Variants in SLCO1B1 observed in about 807,000 individuals in gnomAD.
SLCO1B1 encodes the protein OATP-2.
A neutral mutation model predicts 70.1 loss-of-function variants in SLCO1B1; 81 were observed. The ratio of observed to expected loss-of-function variants is 1.16; its 90% CI spans 0.97 to 1.39. The LOEUF is 1.39. Among genes scored for constraint, SLCO1B1 ranks in the 40% most tolerant of loss-of-function variants. The probability of loss-of-function intolerance (pLI) is 0.00; values close to 1 mark genes in which losing one functional copy is unlikely to be tolerated. For missense variants in SLCO1B1, 895 were observed against 799.6 expected, an observed-to-expected ratio of 1.12 and a Z score of -1.44; for synonymous variants, 283 against 271.5, an observed-to-expected ratio of 1.04 and a Z score of -0.42.
chr12:21,235,412 C>G (rs1489875079), intron 14 of SLCO1B1, among the ~76,000 whole-genome samples: 1 of 146,962 alleles, frequency 6.8e-6, no homozygotes, highest in Non-Finnish European at 1.5e-5. Context: ...TTTCTTCATT[C>G]TTTTACTTTA....
Position 21,136,255 on chromosome 12 carries a change from C to T in SLCO1B1, c.-62+5019C>T, listed in dbSNP as rs539609186. ...GTAACCCAACCTTTCTCTCTGGCTGCCCTTAATATTTTTTCCTTCATTTCA... is the reference window on the plus strand; with the variant it reads ...GTAACCCAACCTTTCTCTCTGGCTGTCCTTAATATTTTTTCCTTCATTTCA... On this transcript the variant is annotated intron_variant, in intron 1 of 14. Coordinates refer to ENST00000256958, the MANE Select transcript of SLCO1B1 (RefSeq NM_006446.5). Among the ~76,000 whole-genome samples the T allele has an allele frequency of 4.1e-4, 63 of 152,280 alleles. 1 individual carries two copies. Among genetic ancestry groups the T allele is most frequent in the Admixed American group, 1.2e-3 (18 of 15,294 alleles).
chr12:21,221,100 A>G lies in SLCO1B1; in HGVS notation c.1683-1200A>G, dbSNP rs547602085. 3.3e-5 allele frequency among the ~76,000 whole-genome samples: 5 copies of G among 152,270 alleles called. No individual in the cohort carries two copies. In the East Asian group the frequency reaches 9.6e-4, roughly 29 times the overall value. On this transcript the variant is annotated intron_variant, in intron 12 of 14. Coordinates refer to ENST00000256958, the MANE Select transcript of SLCO1B1 (RefSeq NM_006446.5). ...TCAATAGATGCAGAAAAATTATTTG[A>G]TAAAATTTAACATCTTTCATGACAA... is the stretch of plus-strand genomic sequence containing the variant.
chr12:21,209,376 A>T (rs1349655853), intron 11 of SLCO1B1, among the ~76,000 whole-genome samples: 2 of 152,130 alleles, frequency 1.3e-5, no homozygotes, highest in Non-Finnish European at 2.9e-5. Context: ...TGTCCCTACA[A>T]AGGACATGAA....
intron 11 of SLCO1B1, among the ~76,000 whole-genome samples, chr12:21,211,069 T>C (rs1324203914): frequency 4.6e-5 from 7 of 152,208 alleles, no homozygotes; most frequent in African/African-American, 1.2e-4. Context: ...TCCTGCCTAA[T>C]TGCCCTGGCC....
intron 2 of SLCO1B1, among the ~76,000 whole-genome samples, chr12:21,150,528 A>T (rs796182031): frequency 7.9e-5 from 12 of 152,264 alleles, no homozygotes; most frequent in African/African-American, 2.9e-4. Flanking sequence ...TTCTGCAGCC[A>T]CTGCTGGTGA....
chr12:21,143,658 G>C (rs895612533), intron 2 of SLCO1B1, among the ~76,000 whole-genome samples: 1 of 151,950 alleles, frequency 6.6e-6, no homozygotes, highest in Non-Finnish European at 1.5e-5. Context: ...TACACTGAAG[G>C]TCTGAACTCA....
chr12:21,145,390 C>T (rs1049748437), intron 2 of SLCO1B1, among the ~76,000 whole-genome samples: 1 of 151,770 alleles, frequency 6.6e-6, no homozygotes, highest in African/African-American at 2.4e-5. Context: ...ACTGCAAACT[C>T]CACCTCCCAG....
In SLCO1B1 at chr12:21,217,240, T is replaced by A; in HGVS notation, c.1619T>A (p.Ile540Lys). The A allele has an allele frequency of 6.2e-7, 1 of 1,613,794 alleles. No homozygotes were observed. Among genetic ancestry groups the A allele is most frequent in the Non-Finnish European group, 8.5e-7 (1 of 1,179,768 alleles). ...AGGAAATTTTACTTTTTTGTTGCAATACAAGTCTTGAATTTATTTTTCTCT... is the reference window on the plus strand; with the variant it reads ...AGGAAATTTTACTTTTTTGTTGCAAAACAAGTCTTGAATTTATTTTTCTCT... ...CTRKFYFFVA[I>K]QVLNLFFSAL... The change falls in exon 12 of 15, where the codon ATA becomes AAA. Residue 540 changes from isoleucine to lysine, a missense_variant. Transcript: ENST00000256958.
chr12:21,210,720 T>A, intron 11 of SLCO1B1, among the ~76,000 whole-genome samples: 1 of 148,440 alleles, frequency 6.7e-6, no homozygotes, highest in Non-Finnish European at 1.5e-5. Flanking sequence ...TTTGTTTGTA[T>A]CCTCTTTTAT....
chr12:21,164,899 CATT>C, intron 2 of SLCO1B1: 1 of 452,958 alleles, frequency 2.2e-6, no homozygotes, highest in Non-Finnish European at 4.4e-6. Flanking sequence ...ATTATACTGT[CATT>C]ATTGGTTTAT....
chr12:21,188,421 T>A (rs1940987493), intron 7 of SLCO1B1, among the ~76,000 whole-genome samples: 2 of 152,162 alleles, frequency 1.3e-5, no homozygotes, highest in Non-Finnish European at 2.9e-5. Context: ...GAATACTATA[T>A]ATAATACATA....
intron 11 of SLCO1B1, among the ~76,000 whole-genome samples, chr12:21,214,658 C>G (rs1049132311): frequency 5.9e-5 from 9 of 151,598 alleles, no homozygotes; most frequent in African/African-American, 1.9e-4. Flanking sequence ...GCCCCTCCCC[C>G]AGCCTCGCTG....
intron 2 of SLCO1B1, among the ~76,000 whole-genome samples, chr12:21,156,959 A>G (rs1316174157): frequency 1.3e-5 from 2 of 152,194 alleles, no homozygotes; most frequent in Non-Finnish European, 2.9e-5. Context: ...GGATAAATCA[A>G]TAGTCTTCCA....
chr12:21,230,179 T>C (rs566355682), intron 14 of SLCO1B1, among the ~76,000 whole-genome samples: 12 of 152,318 alleles, frequency 7.9e-5, no homozygotes, highest in Admixed American at 3.3e-4. Context: ...AGAATTCATT[T>C]TGAATGTTGA....
At chr12:21,205,124 C>T (rs1338819318) in intron 10 of SLCO1B1, among the ~76,000 whole-genome samples, 1 of 151,790 alleles carries the variant, frequency 6.6e-6, no homozygotes, top group Non-Finnish European at 1.5e-5. Context: ...GATAACACAT[C>T]AATCCTCAAT....
At chr12:21,224,247 G>A (rs1036651724) in intron 13 of SLCO1B1, among the ~76,000 whole-genome samples, 1 of 151,222 alleles carries the variant, frequency 6.6e-6, no homozygotes, top group Admixed American at 6.6e-5. Flanking sequence ...TTCTGATGAA[G>A]CACTCACTTT....
At chr12:21,200,697 G>T (rs769402596) in intron 9 of SLCO1B1, 25 bp downstream of exon 9, 2 of 1,596,086 alleles carry the variant, frequency 1.3e-6, no homozygotes, top group South Asian at 2.2e-5. Flanking sequence ...TTACTTGTGT[G>T]CTTAATAAGT....
intron 2 of SLCO1B1, among the ~76,000 whole-genome samples, chr12:21,157,640 C>T (rs1401743812): frequency 2.1e-5 from 3 of 144,750 alleles, no homozygotes; most frequent in South Asian, 2.2e-4. Flanking sequence ...CTCACTCTGT[C>T]ACCCAGGCTG....
chr12:21,140,012 T>C (rs1940284886), intron 1 of SLCO1B1, among the ~76,000 whole-genome samples: 1 of 152,106 alleles, frequency 6.6e-6, no homozygotes, highest in Admixed American at 6.5e-5. Context: ...TCAATGTTAA[T>C]GAATCAATAG....
Sources: allele counts gnomAD v4.1 joint callset (sites outside exome capture counted in the v4.1 genomes callset), GRCh38; gene constraint gnomAD v4.1.1; transcripts MANE v1.5; gene names NCBI Gene and HGNC (gene_info 2026-07-23, HGNC 2026-07-21).